ZBTB20: variants seen among roughly 807,000 people sequenced by gnomAD.
ZBTB20 encodes the protein zinc finger and BTB domain-containing protein 20.
A neutral mutation model predicts 56.9 loss-of-function variants in ZBTB20; 9 were observed. That is an observed-to-expected ratio of 0.16 (90% confidence interval 0.10 to 0.28). The LOEUF is 0.28. Ranked by LOEUF, ZBTB20 falls within the 10% of genes least tolerant of loss-of-function variation. The pLI, the probability that ZBTB20 is intolerant of heterozygous loss-of-function variation, is 1.00. For missense variants in ZBTB20, 655 were observed against 1,003.0 expected (o/e 0.65, Z 4.69); for synonymous variants, 417 against 420.7 (o/e 0.99, Z 0.11).
At position 114,351,727 on chromosome 3, in the gene ZBTB20, T is replaced by G; in HGVS notation, c.351A>C (p.Ala117=). Residue 117 remains alanine, a synonymous_variant, in exon 11 of 12, where the codon GCA becomes GCC. Coordinates refer to ENST00000675478, the MANE Select transcript of ZBTB20 (RefSeq NM_001348800.3). ...TGCCGGCTGCCAGCACGCAGCGGTG[T>G]GCGCGCAGCATGCTCCCGTGGATGC... ...TVRIHGSMLR[A]HRCVLAAGSP... 1.2e-6 allele frequency: 2 copies of G among 1,614,022 alleles called. No homozygotes were observed. The highest frequency in any genetic ancestry group is 8.5e-7 in the Non-Finnish European group (1 of 1,180,012).
chr3:115,048,038 G>A (rs2081397541), intron 2 of ZBTB20, among the ~76,000 whole-genome samples: 1 of 151,566 alleles, frequency 6.6e-6, no homozygotes, highest in Non-Finnish European at 1.5e-5. Context: ...GGCTAACACG[G>A]TGAAACCCCA....
At chr3:114,874,844 G>C (rs1200224431) in intron 4 of ZBTB20, among the ~76,000 whole-genome samples, 1 of 152,106 alleles carries the variant, frequency 6.6e-6, no homozygotes, top group Non-Finnish European at 1.5e-5. Context: ...AACTTGTCTA[G>C]CTATACAATA....
At chr3:114,957,401 G>A (rs1201700351) in intron 3 of ZBTB20, among the ~76,000 whole-genome samples, 1 of 152,030 alleles carries the variant, frequency 6.6e-6, no homozygotes, top group Non-Finnish European at 1.5e-5. Context: ...ACATAGGAAG[G>A]GTAAATACTG....
chr3:114,814,961 A>G (rs2072812531), intron 4 of ZBTB20, among the ~76,000 whole-genome samples: 1 of 152,154 alleles, frequency 6.6e-6, no homozygotes, highest in Non-Finnish European at 1.5e-5. Context: ...AAGGCCCTCT[A>G]TAACATGTTT....
intron 1 of ZBTB20, among the ~76,000 whole-genome samples, chr3:115,138,810 T>C (rs931215946): frequency 4.6e-5 from 7 of 152,112 alleles, no homozygotes; most frequent in African/African-American, 9.6e-5. Context: ...GTGTGATTAG[T>C]ATTCCTGTTT....
chr3:115,121,987 G>A (rs2084195297), intron 1 of ZBTB20, among the ~76,000 whole-genome samples: 1 of 151,962 alleles, frequency 6.6e-6, no homozygotes, highest in African/African-American at 2.4e-5. Flanking sequence ...TCTTTTTTAA[G>A]TAATATTAAT....
At chr3:114,453,273 T>C in intron 7 of ZBTB20, among the ~76,000 whole-genome samples, 1 of 152,158 alleles carries the variant, frequency 6.6e-6, no homozygotes, top group East Asian at 1.9e-4. Flanking sequence ...TTGCATGAAC[T>C]AGTGTATCAT....
intron 4 of ZBTB20, among the ~76,000 whole-genome samples, chr3:114,860,923 T>C (rs1380218510): frequency 1.3e-5 from 2 of 152,226 alleles, no homozygotes; most frequent in Non-Finnish European, 2.9e-5. Context: ...CTCATAAGCA[T>C]GTCTTCCAAC....
intron 5 of ZBTB20, among the ~76,000 whole-genome samples, chr3:114,736,974 G>T (rs552181861): frequency 4.6e-5 from 7 of 152,270 alleles, no homozygotes; most frequent in African/African-American, 1.7e-4. Flanking sequence ...TCTTTACCGA[G>T]TTTGATTTCT....
chr3:114,850,157 C>T (rs768962523), intron 4 of ZBTB20, among the ~76,000 whole-genome samples: 2 of 152,080 alleles, frequency 1.3e-5, no homozygotes, highest in Non-Finnish European at 2.9e-5. Context: ...GCCTCAGCCT[C>T]CCAAAGTGCT....
Position 114,838,510 on chromosome 3 carries a change from T to A in ZBTB20, c.-416-37336A>T, listed in dbSNP as rs528581755. Among the ~76,000 whole-genome samples, 23 of 152,096 alleles carry A rather than the reference T, an allele frequency of 1.5e-4. No individual in the cohort carries two copies. The South Asian group carries it at 3.5e-3, about 23-fold the overall frequency. ...TCATGAGGGCCTAAAGGGAGAGAGA[T>A]GTGTAGAGCCCTGGAATTGAAGATC... On this transcript the variant is annotated intron_variant, in intron 4 of 11. Coordinates refer to ENST00000675478, the MANE Select transcript of ZBTB20 (RefSeq NM_001348800.3).
chr3:114,477,947 C>G (rs1248340034), intron 7 of ZBTB20, among the ~76,000 whole-genome samples: 2 of 133,582 alleles, frequency 1.5e-5, no homozygotes, highest in African/African-American at 5.5e-5. Context: ...CTCTCTCTCT[C>G]TCCCTCCCAC....
chr3:114,944,884 G>A (rs544757164), intron 3 of ZBTB20, among the ~76,000 whole-genome samples: 1 of 145,484 alleles, frequency 6.9e-6, no homozygotes, highest in East Asian at 1.9e-4. Flanking sequence ...AGCTAGACAA[G>A]AGGAATAAGT....
At chr3:114,747,997 A>G (rs191979969) in intron 5 of ZBTB20, among the ~76,000 whole-genome samples, 1 of 151,818 alleles carries the variant, frequency 6.6e-6, no homozygotes, top group African/African-American at 2.4e-5. Context: ...TACATACACA[A>G]TAAAACTTAT....
At chr3:114,482,469 G>A (rs1196994600) in intron 7 of ZBTB20, among the ~76,000 whole-genome samples, 1 of 152,210 alleles carries the variant, frequency 6.6e-6, no homozygotes, top group African/African-American at 2.4e-5. Flanking sequence ...GAAGGCCTGT[G>A]ATTTTTAATG....
At chr3:114,750,315 T>A (rs764486637) in intron 5 of ZBTB20, among the ~76,000 whole-genome samples, 4 of 152,156 alleles carry the variant, frequency 2.6e-5, no homozygotes, top group Admixed American at 6.5e-5. Context: ...GGTTACACTT[T>A]AAACACTGAG....
chr3:114,545,954 A>C (rs1477017259), intron 6 of ZBTB20, among the ~76,000 whole-genome samples: 2 of 152,204 alleles, frequency 1.3e-5, no homozygotes, highest in African/African-American at 4.8e-5. Context: ...AGTCAGAAGG[A>C]GATTTCTTTA....
At chr3:114,659,173 AG>A (rs2060581058) in intron 6 of ZBTB20, among the ~76,000 whole-genome samples, 1 of 152,180 alleles carries the variant, frequency 6.6e-6, no homozygotes, top group Non-Finnish European at 1.5e-5. Flanking sequence ...TTAACTCTAG[AG>A]GGTCAAATGG....
chr3:114,779,579 A>G lies in ZBTB20; in HGVS notation c.-343+21522T>C, dbSNP rs116642169. Reference sequence around the variant, plus strand: ...AGAGATAAAATATAAAATAATTTTTAAAAATCCTACTACAAAACTACCTTA... The same window carrying G: ...AGAGATAAAATATAAAATAATTTTTGAAAATCCTACTACAAAACTACCTTA... On this transcript the variant is annotated intron_variant, in intron 5 of 11. Transcript: ENST00000675478. Among the ~76,000 whole-genome samples the G allele has an allele frequency of 7.7e-3, 1,179 of 152,322 alleles. 11 individuals are homozygous for G. The highest frequency in any genetic ancestry group is 0.026 in the African/African-American group (1,067 of 41,572).
Sources: allele counts gnomAD v4.1 joint callset (sites outside exome capture counted in the v4.1 genomes callset), GRCh38; gene constraint gnomAD v4.1.1; transcripts MANE v1.5; gene names NCBI Gene and HGNC (gene_info 2026-07-23, HGNC 2026-07-21).